VDAC3: variants seen among roughly 807,000 people sequenced by gnomAD.
The protein encoded by VDAC3 is non-selective voltage-gated ion channel VDAC3.
VDAC3 carries 7 observed loss-of-function variants against 33.9 expected under a neutral mutation model. That is an observed-to-expected ratio of 0.21 (90% CI 0.12 to 0.39). The LOEUF is 0.39. Among genes scored for constraint, VDAC3 ranks in the 10% least tolerant of loss-of-function variants. VDAC3 has a pLI of 1.00. For synonymous variants in VDAC3, 100 were observed against 122.4 expected (o/e 0.82, Z 1.21); for missense variants, 261 against 334.5 (o/e 0.78, Z 1.71).
At chr8:42,398,519 C>T (rs567275399) in intron 4 of VDAC3, among the ~76,000 whole-genome samples, 193 bp from the exon 5 acceptor site, 5 of 152,108 alleles carry the variant, frequency 3.3e-5, no homozygotes, top group Middle Eastern at 6.8e-3. Flanking sequence ...TGAGCCACTG[C>T]GCCTGGCAGA....
At chr8:42,399,475 G>C (rs73675058) in intron 5 of VDAC3, 176 bp from the exon 6 acceptor site, 14 of 493,730 alleles carry the variant, frequency 2.8e-5, no homozygotes, top group African/African-American at 2.3e-4. Context: ...CATGATGAAG[G>C]CTGGGGTGAG....
chr8:42,398,211 A>G (rs1343597421), intron 4 of VDAC3, among the ~76,000 whole-genome samples: 1 of 152,202 alleles, frequency 6.6e-6, no homozygotes, highest in African/African-American at 2.4e-5. Flanking sequence ...ATTTGGTAAG[A>G]GAGTATATGG....
chr8:42,403,611 C>T (rs756313363), intron 8 of VDAC3, 150 bp downstream of exon 8: 3 of 921,440 alleles, frequency 3.3e-6, no homozygotes, highest in Non-Finnish European at 3.1e-6. Flanking sequence ...TGGCCAGGCT[C>T]ACGCCTGTAT....
intron 4 of VDAC3, 70 bp downstream of exon 4, chr8:42,395,203 A>C: frequency 1.9e-6 from 3 of 1,594,762 alleles, no homozygotes; most frequent in Non-Finnish European, 2.6e-6. Flanking sequence ...AAATCATGAC[A>C]GTCTAGTTAC....
At chr8:42,398,435 G>A (rs1432702268) in intron 4 of VDAC3, among the ~76,000 whole-genome samples, 2 of 151,918 alleles carry the variant, frequency 1.3e-5, no homozygotes. Flanking sequence ...GCCATGTTGC[G>A]CAGGCTGGTC....
At chr8:42,401,409 A>G (rs1050083353) in intron 6 of VDAC3, among the ~76,000 whole-genome samples, 3 of 152,064 alleles carry the variant, frequency 2.0e-5, no homozygotes, top group African/African-American at 7.2e-5. Flanking sequence ...GTTGGCCAGG[A>G]TGGTCTCAAT....
At chr8:42,400,248 G>T (rs911786641) in intron 6 of VDAC3, among the ~76,000 whole-genome samples, 1 of 151,348 alleles carries the variant, frequency 6.6e-6, no homozygotes, top group Non-Finnish European at 1.5e-5. Context: ...TGAGGCAGGA[G>T]AATGGCATGA....
chr8:42,397,512 A>G (rs1470563408), intron 4 of VDAC3: 1 of 152,252 alleles, frequency 6.6e-6, no homozygotes, highest in Non-Finnish European at 1.5e-5. Flanking sequence ...TCCCTAAAAC[A>G]GGACCAATCA....
At chr8:42,397,812 T>G (rs955695741) in intron 4 of VDAC3, among the ~76,000 whole-genome samples, 28 of 152,346 alleles carry the variant, frequency 1.8e-4, no homozygotes, top group Middle Eastern at 3.4e-3. Context: ...ATATTGAAAT[T>G]GTCTAAGCAG....
At chr8:42,402,236 T>C (rs1416996887) in intron 7 of VDAC3, 1 of 584,032 alleles carries the variant, frequency 1.7e-6, no homozygotes, top group South Asian at 2.1e-5. Flanking sequence ...ACCCCAAACT[T>C]GAGGAAGCTC....
chr8:42,396,109 T>G (rs147566592), intron 4 of VDAC3, among the ~76,000 whole-genome samples: 658 of 151,790 alleles, frequency 4.3e-3, no homozygotes, highest in Non-Finnish European at 8.4e-3. Flanking sequence ...TACAAAAAAA[T>G]TAGCCAGACC....
At chr8:42,404,645 C>G (rs1337006763) in intron 8 of VDAC3, among the ~76,000 whole-genome samples, 1 of 150,956 alleles carries the variant, frequency 6.6e-6, no homozygotes, top group Non-Finnish European at 1.5e-5. Flanking sequence ...TGGCTTGGAC[C>G]CGGGAAGCGG....
chr8:42,396,402 A>G (rs547945621), intron 4 of VDAC3, among the ~76,000 whole-genome samples: 60 of 152,198 alleles, frequency 3.9e-4, no homozygotes, highest in Non-Finnish European at 8.2e-4. Flanking sequence ...TGAATGTATA[A>G]TTAGAAGGAC....
chr8:42,396,789 T>C (rs1802326587), intron 4 of VDAC3: 1 of 637,106 alleles, frequency 1.6e-6, no homozygotes. Context: ...AGATTGTGTC[T>C]TGATATTTTT....
chr8:42,403,508 A>C, intron 8 of VDAC3, 47 bp downstream of exon 8: 2 of 1,501,190 alleles, frequency 1.3e-6, no homozygotes, highest in Non-Finnish European at 1.8e-6. Context: ...TTTGTGTCTA[A>C]GTTTTCAGAG....
At chr8:42,402,113 C>A in intron 7 of VDAC3, 98 bp downstream of exon 7, 3 of 1,270,900 alleles carry the variant, frequency 2.4e-6, no homozygotes, top group Non-Finnish European at 2.2e-6. Context: ...ATTTAGCATG[C>A]CTTGGTGAAT....
At position 42,402,018 on chromosome 8, in the gene VDAC3, G is replaced by T; in HGVS notation, c.551+3G>T. 1 of 1,613,874 alleles carries T rather than the reference G, an allele frequency of 6.2e-7. No individual in the cohort carries two copies. Among genetic ancestry groups the T allele is most frequent in the South Asian group, 1.1e-5 (1 of 91,060 alleles). On this transcript the variant is annotated splice_donor_region_variant and intron_variant, in intron 7 of 9. Transcript: ENST00000022615. ...GACTTCCAGCTGCACACACATGTGT[G>T]AGTGTTTATAATTTATTCCTTAGTA...
intron 3 of VDAC3, 81 bp downstream of exon 3, chr8:42,394,359 A>G: frequency 8.3e-7 from 1 of 1,205,742 alleles, no homozygotes; most frequent in Non-Finnish European, 1.2e-6. Context: ...TGTGTTAGTA[A>G]AATAAGGGTA....
intron 4 of VDAC3, among the ~76,000 whole-genome samples, chr8:42,395,993 C>A (rs1426132666): frequency 6.7e-6 from 1 of 149,948 alleles, no homozygotes; most frequent in African/African-American, 2.5e-5. Flanking sequence ...TGCGGTGGCT[C>A]ACGCCTGTGA....
Sources: allele counts gnomAD v4.1 joint callset (sites outside exome capture counted in the v4.1 genomes callset), GRCh38; gene constraint gnomAD v4.1.1; transcripts MANE v1.5; gene names NCBI Gene and HGNC (gene_info 2026-07-23, HGNC 2026-07-21).